The following ZNF534 variants were observed in gnomAD, a reference collection of about 807,000 sequenced individuals.
ZNF534 encodes the protein zinc finger protein 534, also known as KRAB domain only 3.
A neutral mutation model predicts 13.6 loss-of-function variants in ZNF534; 19 were observed. The ratio of observed to expected loss-of-function variants is 1.40; its 90% CI spans 0.97 to 2.05. ZNF534 has a LOEUF of 2.05. Among genes scored for constraint, ZNF534 ranks in the 30% most tolerant of loss-of-function variants. The pLI is 0.00. For missense variants in ZNF534, 782 were observed against 796.3 expected (o/e 0.98, Z 0.22); for synonymous variants, 244 against 273.8 (o/e 0.89, Z 1.07).
intron 4 of ZNF534, among the ~76,000 whole-genome samples, chr19:52,436,902 T>G (rs191438783): frequency 6.6e-5 from 10 of 152,274 alleles, no homozygotes; most frequent in Admixed American, 4.6e-4. Context: ...TGGAGTTTTA[T>G]TTATTTATTT....
rs567358140 is a variant in ZNF534, at chr19:52,430,053, A to T, written c.-68+809A>T. Among the ~76,000 whole-genome samples the T allele has an allele frequency of 2.8e-4, 41 of 147,636 alleles. No individual in the cohort carries two copies. In the East Asian group the frequency reaches 3.9e-3, roughly 14 times the overall value. ...TTTTTTGAGACAGAGTCTCACTCTG[A>T]CGCCAAGGCTGGAGTGCAGTGGCAC... On this transcript the variant is annotated intron_variant, in intron 1 of 4. Transcript: ENST00000433050.
rs527545342 is a variant in ZNF534 at position 52,447,795 on chromosome 19, C to T, written c.272-3392C>T. On this transcript the variant is annotated intron_variant, in intron 4 of 4. Coordinates refer to the ZNF534 transcript ENST00000301085. The stretch of plus-strand genomic sequence containing the variant: ...ATAAACCCCATTAAATCATGGAGTA[C>T]AAATCTTTTTATATATTGTTGATTT... Among the ~76,000 whole-genome samples the T allele has an allele frequency of 2.6e-5, 4 of 152,076 alleles. No homozygotes were observed. The East Asian group carries it at 5.8e-4, about 22-fold the overall frequency.
At chr19:52,435,289 A>AATC in intron 4 of ZNF534, 80 bp downstream of exon 4, 1 of 1,448,900 alleles carries the variant, frequency 6.9e-7, no homozygotes. Flanking sequence ...TCCAGGCTGG[A>AATC]GTACAGTGGC....
Position 52,441,076 on chromosome 19 carries a change from T to G in ZNF534, c.*1630T>G, listed in dbSNP as rs575233295. ...GATGCCATCATGCCTGGCTAATTTTTTGTATTTTTAGTAGAGACGGGGTTT... is the reference window on the plus strand; with the variant it reads ...GATGCCATCATGCCTGGCTAATTTTGTGTATTTTTAGTAGAGACGGGGTTT... On this transcript the variant is annotated 3_prime_UTR_variant, in exon 5 of 5. Transcript: ENST00000433050. 2.7e-4 allele frequency among the ~76,000 whole-genome samples: 41 copies of G among 152,196 alleles called. No individual in the cohort carries two copies. The highest frequency in any genetic ancestry group is 8.9e-4 in the African/African-American group (37 of 41,564).
chr19:52,439,307 G>C lies in ZNF534; in HGVS notation c.1847G>C (p.Ser616Thr), dbSNP rs1902836. 1.4e-5 allele frequency: 22 copies of C among 1,558,746 alleles called. No homozygotes were observed. The Admixed American group carries it at 2.5e-4, about 18-fold the overall frequency. The part of the protein sequence containing the change: ...YKCNECSKVF[S>T]RNSRLAQHRN... Reference sequence around the variant, plus strand: ...TGTAATGAATGTAGCAAGGTCTTCAGTCGGAATTCACGCCTTGCACAACAT... The same window carrying C: ...TGTAATGAATGTAGCAAGGTCTTCACTCGGAATTCACGCCTTGCACAACAT... The change falls in exon 5 of 5, where the codon AGT becomes ACT. Residue 616 changes from serine (S) to threonine (T), a missense_variant. Transcript: ENST00000433050.
Position 52,438,843 on chromosome 19 carries a change from T to G in ZNF534, c.1383T>G (p.Thr461=), listed in dbSNP as rs747227816. Residue 461 remains threonine, a synonymous_variant, in exon 5 of 5, where the codon ACT becomes ACG. Coordinates refer to ENST00000433050, the MANE Select transcript of ZNF534 (RefSeq NM_001143938.3). The part of the protein sequence containing the change: ...SSLTYHCRIH[T]GEKPYKCNEC... ...TAACCTATCACTGTAGAATTCATAC[T>G]GGAGAGAAGCCTTACAAATGTAACG... 2.2e-5 allele frequency: 36 copies of G among 1,612,008 alleles called. No individual in the cohort carries two copies. The South Asian group carries it at 3.9e-4, about 17-fold the overall frequency.
At position 52,434,001 on chromosome 19, in the gene ZNF534, A is replaced by G. The variant is rs2059110565; in HGVS notation, c.62A>G (p.Glu21Gly). The G allele has an allele frequency of 1.2e-6, 2 of 1,613,940 alleles. No homozygotes were observed. Among genetic ancestry groups the G allele is most frequent in the African/African-American group, 1.3e-5 (1 of 74,892 alleles). The change falls in exon 3 of 5, where the codon GAG becomes GGG. Residue 21 changes from glutamate to glycine, a missense_variant. By Grantham distance (98) the Glu-to-Gly change is moderately conservative. Around this residue, in one of 5 missense-constraint regions of ZNF534, gnomAD observed 81 missense variants for 63.5 expected, o/e 1.28. Coordinates refer to ENST00000433050, the MANE Select transcript of ZNF534 (RefSeq NM_001143938.3). ...SDVAIEFSQE[E>G]WKCLDPGQKA... ...GTGGCCATAGAATTCTCTCAGGAGG[A>G]GTGGAAATGCCTGGACCCTGGGCAG...
At position 52,451,731 on chromosome 19, in the gene ZNF534, T is replaced by C. The variant is rs2059217941; in HGVS notation, c.*234T>C. ...GCTTGGCTGCAAAACACTTTGTTGA[T>C]GTAGGAGCTGGTATCACAGATGAAG... On this transcript the variant is annotated 3_prime_UTR_variant, in exon 5 of 5. Coordinates refer to the ZNF534 transcript ENST00000301085. The C allele has an allele frequency of 5.8e-6, 4 of 687,806 alleles. No homozygotes were observed. In the Admixed American group the frequency reaches 8.6e-5, roughly 15 times the overall value. The allele number at this position is 687,806 out of a possible 1,614,324, so 42.6% of individuals were successfully genotyped here.
At chr19:52,433,241 A>G (rs113788045) in intron 2 of ZNF534, among the ~76,000 whole-genome samples, 1,697 of 149,596 alleles carry the variant, frequency 0.011, 14 homozygotes, top group African/African-American at 0.039. Context: ...TATCTCAAAA[A>G]AAAAAAAAAA....
rs1285240410 is a variant in ZNF534, at chr19:52,440,563, T to C, written c.*1117T>C. Among the ~76,000 whole-genome samples the C allele has an allele frequency of 6.6e-6, 1 of 151,964 alleles. No homozygotes were observed. Among genetic ancestry groups the C allele is most frequent in the Non-Finnish European group, 1.5e-5 (1 of 67,986 alleles). ...TGGGAGGCTGAGGCAGACGGATCAG[T>C]TGAGGTCAGGAGTTTGAGACCAGCC... On this transcript the variant is annotated 3_prime_UTR_variant, in exon 5 of 5. Coordinates refer to ENST00000433050, the MANE Select transcript of ZNF534 (RefSeq NM_001143938.3).
At position 52,433,045 on chromosome 19, in the gene ZNF534, C is replaced by G. The variant is rs542485301; in HGVS notation, c.16-910C>G. 4.1e-4 allele frequency among the ~76,000 whole-genome samples: 63 copies of G among 151,900 alleles called. 2 individuals carry two copies. Among genetic ancestry groups the G allele is most frequent in the Admixed American group, 3.3e-3 (51 of 15,254 alleles). On this transcript the variant is annotated intron_variant, in intron 2 of 4. Transcript: ENST00000433050. ...ATCACTTGAGCTTAGGCCTTTGAGA[C>G]AAGCTTGGACAATGTGGTGAGACTC...
At chr19:52,429,616 A>T (rs1238127508) in intron 1 of ZNF534, among the ~76,000 whole-genome samples, 2 of 134,370 alleles carry the variant, frequency 1.5e-5, no homozygotes. Flanking sequence ...TTTTCCTGAG[A>T]CTGAGTTTTG....
chr19:52,451,258 G>C, exon 5 of ZNF534: 1 of 849,758 alleles, frequency 1.2e-6, no homozygotes, highest in Non-Finnish European at 2.0e-6. Context: ...AGGTGCTGAG[G>C]AGCCAACCGG....
Position 52,438,486 on chromosome 19 carries a change from C to T in ZNF534, c.1026C>T (p.Thr342=), listed in dbSNP as rs1428903412. The change falls in exon 5 of 5, where the codon ACC becomes ACT. Residue 342 remains threonine (T), a synonymous_variant. Coordinates refer to ENST00000433050, the MANE Select transcript of ZNF534 (RefSeq NM_001143938.3). ...TCTTCAGGCATAAGTCTTCCCTAAC[C>T]ACTCATCAGACAGTTCATACTGGAG... is the stretch of plus-strand genomic sequence containing the variant. ...GKVFRHKSSL[T]THQTVHTGER... 1 of 1,594,060 alleles carries T rather than the reference C, an allele frequency of 6.3e-7. No individual in the cohort carries two copies. Among genetic ancestry groups the T allele is most frequent in the Non-Finnish European group, 8.5e-7 (1 of 1,169,656 alleles).
chr19:52,448,698 G>A (rs1339090112), intron 4 of ZNF534, among the ~76,000 whole-genome samples: 2 of 152,162 alleles, frequency 1.3e-5, no homozygotes, highest in Non-Finnish European at 2.9e-5. Context: ...CTTTTTAAGT[G>A]TACAATTCAG....
chr19:52,448,910 T>C (rs2059203243), intron 4 of ZNF534, among the ~76,000 whole-genome samples: 1 of 152,226 alleles, frequency 6.6e-6, no homozygotes, highest in Non-Finnish European at 1.5e-5. Flanking sequence ...CAATAAATTA[T>C]TGTTCACTAT....
intron 4 of ZNF534, among the ~76,000 whole-genome samples, chr19:52,435,671 T>G (rs1172710136): frequency 6.6e-6 from 1 of 151,898 alleles, no homozygotes; most frequent in Non-Finnish European, 1.5e-5. Context: ...GCCTATCTAG[T>G]TTTTTGTATT....
At chr19:52,431,673 A>C (rs2059088324) in intron 2 of ZNF534, among the ~76,000 whole-genome samples, 184 bp downstream of exon 2, 1 of 152,080 alleles carries the variant, frequency 6.6e-6, no homozygotes, top group Non-Finnish European at 1.5e-5. Flanking sequence ...CAATGACATG[A>C]ACTTGGGAAG....
Position 52,437,958 on chromosome 19 carries a change from T to C in ZNF534, c.498T>C (p.Asp166=). The part of the protein sequence containing the change: ...KTHIFNNYRN[D]FLFSTLLPQE... ...ATATTTTTAATAACTACAGAAATGATTTTCTTTTTTCTACATTACTCCCAC... is the reference window on the plus strand; with the variant it reads ...ATATTTTTAATAACTACAGAAATGACTTTCTTTTTTCTACATTACTCCCAC... Residue 166 remains aspartate, a synonymous_variant, in exon 5 of 5, where the codon GAT becomes GAC. Coordinates refer to ENST00000433050, the MANE Select transcript of ZNF534 (RefSeq NM_001143938.3). 1.2e-6 allele frequency: 2 copies of C among 1,613,554 alleles called. No homozygotes were observed. Among genetic ancestry groups the C allele is most frequent in the Non-Finnish European group, 1.7e-6 (2 of 1,179,846 alleles).
Sources: allele counts gnomAD v4.1 joint callset (sites outside exome capture counted in the v4.1 genomes callset), GRCh38; gene constraint gnomAD v4.1.1; regional missense constraint gnomAD v4.1.1; transcripts MANE v1.5; gene names NCBI Gene and HGNC (gene_info 2026-07-23, HGNC 2026-07-21).